Variants in EXOC6B observed in about 807,000 individuals in gnomAD.
EXOC6B encodes the protein exocyst complex component 6B.
Under a neutral mutation model 113.5 loss-of-function variants are expected in EXOC6B, and 54 were observed. That is an observed-to-expected ratio of 0.48 (90% CI 0.38 to 0.60). EXOC6B has a LOEUF of 0.60. EXOC6B is among the 20% of genes least tolerant of loss of function. The probability of loss-of-function intolerance (pLI) is 0.00; values close to 1 mark genes in which losing one functional copy is unlikely to be tolerated. For synonymous variants in EXOC6B, 357 were observed against 339.0 expected (o/e 1.05, Z -0.58); for missense variants, 797 against 977.5 (o/e 0.82, Z 2.46).
At chr2:72,179,586 A>C in intron 21 of EXOC6B, 125 bp from the exon 22 acceptor site, 1 of 1,106,146 alleles carries the variant, frequency 9.0e-7, no homozygotes, top group South Asian at 1.4e-5. Flanking sequence ...AGTCCAGAAT[A>C]TCTCCACTGT....
rs141534666 is a variant in EXOC6B, at chr2:72,565,914, G to A, written c.847-6393C>T. On this transcript the variant is annotated intron_variant, in intron 7 of 21. Transcript: ENST00000272427. ...TTGACATTATCTAACAAAATTATAC[G>A]TGCATTTACCCCTTGACTCAACCAT... 5.3e-5 allele frequency among the ~76,000 whole-genome samples: 8 copies of A among 152,048 alleles called. No homozygotes were observed. The South Asian group carries it at 6.2e-4, about 12-fold the overall frequency.
At chr2:72,568,610 T>C (rs1404129225) in intron 7 of EXOC6B, among the ~76,000 whole-genome samples, 1 of 152,038 alleles carries the variant, frequency 6.6e-6, no homozygotes, top group African/African-American at 2.4e-5. Context: ...CGTCAAGTTT[T>C]AATAAGTGGA....
At chr2:72,317,248 A>G (rs1227346774) in intron 20 of EXOC6B, among the ~76,000 whole-genome samples, 1 of 152,162 alleles carries the variant, frequency 6.6e-6, no homozygotes, top group East Asian at 1.9e-4. Context: ...GAGAAGTAAG[A>G]AAAAATAGAG....
intron 20 of EXOC6B, among the ~76,000 whole-genome samples, chr2:72,269,564 A>T (rs1418079031): frequency 6.6e-6 from 1 of 152,100 alleles, no homozygotes; most frequent in Non-Finnish European, 1.5e-5. Flanking sequence ...TCATTCCAGC[A>T]CTTTGGGAGG....
chr2:72,287,691 A>C (rs1190320863), intron 20 of EXOC6B, among the ~76,000 whole-genome samples: 1 of 152,044 alleles, frequency 6.6e-6, no homozygotes, highest in Non-Finnish European at 1.5e-5. Context: ...CAGATTTGGA[A>C]ATTTAGATGA....
At chr2:72,620,739 AT>A (rs1440950134) in intron 6 of EXOC6B, among the ~76,000 whole-genome samples, 1 of 152,084 alleles carries the variant, frequency 6.6e-6, no homozygotes, top group African/African-American at 2.4e-5. Flanking sequence ...ATGGAAGAAA[AT>A]ATTCATAAAC....
intron 18 of EXOC6B, among the ~76,000 whole-genome samples, chr2:72,402,314 T>C (rs1693393784): frequency 6.6e-6 from 1 of 152,188 alleles, no homozygotes; most frequent in African/African-American, 2.4e-5. Flanking sequence ...CATTTGTCCT[T>C]AATAAAATGT....
At chr2:72,235,981 T>C (rs1215663775) in intron 20 of EXOC6B, among the ~76,000 whole-genome samples, 1 of 152,208 alleles carries the variant, frequency 6.6e-6, no homozygotes, top group African/African-American at 2.4e-5. Flanking sequence ...CAGATGTCAG[T>C]TGATGATAGA....
At chr2:72,416,099 A>T (rs1426274721) in intron 18 of EXOC6B, among the ~76,000 whole-genome samples, 1 of 152,176 alleles carries the variant, frequency 6.6e-6, no homozygotes, top group African/African-American at 2.4e-5. Context: ...CTTTCATGGC[A>T]GAGGGATGAC....
chr2:72,700,272 A>ACACACAC (rs1558930125), intron 6 of EXOC6B, among the ~76,000 whole-genome samples: 7 of 151,782 alleles, frequency 4.6e-5, no homozygotes, highest in Admixed American at 6.6e-5. Context: ...ACACACACAC[A>ACACACAC]AAGTTATCCG....
At chr2:72,437,151 C>G (rs1192086788) in intron 18 of EXOC6B, among the ~76,000 whole-genome samples, 8 of 152,180 alleles carry the variant, frequency 5.3e-5, no homozygotes, top group Non-Finnish European at 7.3e-5. Context: ...AACAGTCAGG[C>G]CCCTCTACTG....
intron 20 of EXOC6B, among the ~76,000 whole-genome samples, chr2:72,237,139 T>C (rs1682010780): frequency 6.6e-6 from 1 of 152,162 alleles, no homozygotes. Context: ...ATTGATTCAT[T>C]CACTCAAAAA....
At chr2:72,640,230 T>C (rs111282667) in intron 6 of EXOC6B, among the ~76,000 whole-genome samples, 1 of 152,034 alleles carries the variant, frequency 6.6e-6, no homozygotes, top group African/African-American at 2.4e-5. Flanking sequence ...GCAATCACAA[T>C]TATTAATATC....
At chr2:72,435,996 T>C (rs912002779) in intron 18 of EXOC6B, among the ~76,000 whole-genome samples, 2 of 152,202 alleles carry the variant, frequency 1.3e-5, no homozygotes, top group African/African-American at 4.8e-5. Context: ...AGAGTGTCAA[T>C]GGTCTTTACA....
At chr2:72,225,126 A>G (rs1187835747) in intron 20 of EXOC6B, among the ~76,000 whole-genome samples, 1 of 151,214 alleles carries the variant, frequency 6.6e-6, no homozygotes, top group Non-Finnish European at 1.5e-5. Context: ...TGCTGGGATT[A>G]TAGGCATGAG....
chr2:72,686,891 C>A (rs939024667), intron 6 of EXOC6B, among the ~76,000 whole-genome samples: 1 of 152,142 alleles, frequency 6.6e-6, no homozygotes, highest in Non-Finnish European at 1.5e-5. Flanking sequence ...GTAATCCCAG[C>A]ACTTTGGGAG....
intron 6 of EXOC6B, among the ~76,000 whole-genome samples, chr2:72,671,427 G>C (rs1046563862): frequency 1.3e-5 from 2 of 152,182 alleles, no homozygotes; most frequent in Non-Finnish European, 2.9e-5. Flanking sequence ...GGGCACTGTG[G>C]CTCAAGCCTG....
intron 6 of EXOC6B, among the ~76,000 whole-genome samples, chr2:72,689,612 T>C (rs1277683900): frequency 2.0e-5 from 3 of 152,174 alleles, no homozygotes; most frequent in African/African-American, 7.2e-5. Context: ...CAATGCTCCT[T>C]TCTGATATTC....
At chr2:72,779,871 A>C (rs1165527139) in intron 1 of EXOC6B, among the ~76,000 whole-genome samples, 1 of 152,232 alleles carries the variant, frequency 6.6e-6, no homozygotes, top group Admixed American at 6.5e-5. Flanking sequence ...TCATGGGAAA[A>C]GTCCATTTTA....
Sources: gnomAD v4.1 joint callset for allele counts (sites outside exome capture counted in the v4.1 genomes callset) on GRCh38, gnomAD v4.1.1 for gene constraint, MANE v1.5 for transcripts, NCBI Gene and HGNC (gene_info 2026-07-23, HGNC 2026-07-21) for gene names.